LMO7: variants seen among roughly 807,000 people sequenced by gnomAD.
The protein encoded by LMO7 is LIM domain only protein 7.
Under a neutral mutation model 206.5 loss-of-function variants are expected in LMO7, and 120 were observed. The observed-to-expected ratio is 0.58, with a 90% CI of 0.50 to 0.68. The LOEUF is 0.68. Among genes scored for constraint, LMO7 ranks in the 30% least tolerant of loss-of-function variants. The pLI is 0.00. For missense variants in LMO7, 1,959 were observed against 1,957.9 expected, an observed-to-expected ratio of 1.00 and a Z score of -0.01; for synonymous variants, 706 against 681.5, an observed-to-expected ratio of 1.04 and a Z score of -0.56.
At chr13:75,663,519 C>T (rs2038832893) in intron 1 of LMO7, among the ~76,000 whole-genome samples, 1 of 149,036 alleles carries the variant, frequency 6.7e-6, no homozygotes, top group South Asian at 2.1e-4. Flanking sequence ...CAAGCTCTGC[C>T]TCCCGGGTTC....
rs1012650753 is a variant in LMO7, at chr13:75,623,179, A to G, written c.176-92A>G. 5.9e-6 allele frequency: 4 copies of G among 676,310 alleles called. No homozygotes were observed. In the African/African-American group the frequency reaches 7.3e-5, roughly 12 times the overall value. 41.9% of individuals were successfully genotyped at this position (676,310 alleles called of 1,614,324 possible). The stretch of plus-strand genomic sequence containing the variant: ...TCATGCTTTGGAATTTCAGTAAAAT[A>G]TTTGTTGTTGCTCAATAAATATTTG... On this transcript the variant is annotated intron_variant, in intron 1 of 29. Coordinates refer to the LMO7 transcript ENST00000341547.
rs533571070 is a variant in LMO7, at chr13:75,805,596, T to C, written c.1032T>C (p.Ile344=). Reference sequence around the variant, plus strand: ...CAAAGACAAGAAGCATACCCAACATTGTAAAGGATGATCTTTATGTGCGCA... The same window carrying C: ...CAAAGACAAGAAGCATACCCAACATCGTAAAGGATGATCTTTATGTGCGCA... The part of the protein sequence containing the change: ...EKAKTRSIPN[I]VKDDLYVRKL... Residue 344 remains isoleucine, a synonymous_variant, in exon 9 of 31, where the codon ATT becomes ATC. Transcript: ENST00000377534. 2.5e-6 allele frequency: 4 copies of C among 1,613,910 alleles called. No homozygotes were observed. The highest frequency in any genetic ancestry group is 3.4e-6 in the Non-Finnish European group (4 of 1,179,898).
intron 1 of LMO7, among the ~76,000 whole-genome samples, chr13:75,644,478 G>T (rs1375325787): frequency 6.6e-6 from 1 of 152,128 alleles, no homozygotes; most frequent in African/African-American, 2.4e-5. Flanking sequence ...CTCCGTCCTT[G>T]TTCCACCTAA....
At chr13:75,651,058 A>G (rs1724449786) in intron 1 of LMO7, among the ~76,000 whole-genome samples, 1 of 152,200 alleles carries the variant, frequency 6.6e-6, no homozygotes, top group Non-Finnish European at 1.5e-5. Context: ...CAATTTGCAA[A>G]CATTTTTAGA....
intron 11 of LMO7, 177 bp from the exon 12 acceptor site, chr13:75,816,984 T>C: frequency 2.1e-6 from 1 of 466,446 alleles, no homozygotes; most frequent in South Asian, 4.0e-5. Context: ...CGAGTGCTCT[T>C]GTTTCTGAGT....
intron 3 of LMO7, among the ~76,000 whole-genome samples, chr13:75,749,698 A>C (rs763493718): frequency 1.3e-5 from 2 of 152,150 alleles, no homozygotes; most frequent in Non-Finnish European, 2.9e-5. Flanking sequence ...CCTTGGGCCC[A>C]CAGTGTCTCT....
At chr13:75,748,274 C>A (rs1289831166) in intron 3 of LMO7, among the ~76,000 whole-genome samples, 1 of 152,088 alleles carries the variant, frequency 6.6e-6, no homozygotes, top group East Asian at 1.9e-4. Flanking sequence ...TTAATAGTGG[C>A]AATTTGTTAT....
intron 3 of LMO7, among the ~76,000 whole-genome samples, chr13:75,730,994 C>T (rs1263669147): frequency 4.0e-4 from 58 of 146,272 alleles, no homozygotes; most frequent in South Asian, 8.9e-4. Flanking sequence ...GTCTGAGAGA[C>T]AGTTTGTTAT....
At chr13:75,755,708 G>A (rs1344053012) in intron 3 of LMO7, among the ~76,000 whole-genome samples, 8 of 152,182 alleles carry the variant, frequency 5.3e-5, no homozygotes, top group African/African-American at 1.9e-4. Flanking sequence ...TGACTGGTCT[G>A]TATTCTTTAT....
At chr13:75,834,466 A>G (rs1343037240) in intron 17 of LMO7, 79 bp downstream of exon 17, 3 of 1,090,032 alleles carry the variant, frequency 2.8e-6, no homozygotes, top group East Asian at 2.7e-5. Context: ...AATTTGCTTC[A>G]ATAACTTTTT....
intron 19 of LMO7, among the ~76,000 whole-genome samples, 166 bp from the exon 20 acceptor site, chr13:75,837,974 G>C (rs534624491): frequency 2.0e-5 from 3 of 152,218 alleles, no homozygotes; most frequent in South Asian, 2.1e-4. Flanking sequence ...TACTAAAATT[G>C]TGTGTCCCTG....
chr13:75,843,000 C>G (rs1269967787), intron 25 of LMO7, 84 bp downstream of exon 25: 3 of 868,716 alleles, frequency 3.5e-6, no homozygotes, highest in African/African-American at 1.7e-5. Flanking sequence ...ATTTGTAGAA[C>G]TACTTTAGCC....
chr13:75,697,410 AG>A (rs912609185), intron 1 of LMO7, among the ~76,000 whole-genome samples: 32 of 152,166 alleles, frequency 2.1e-4, no homozygotes, highest in African/African-American at 7.7e-4. Flanking sequence ...ACATGATGGC[AG>A]GCAAGAGAGA....
intron 2 of LMO7, 114 bp from the exon 3 acceptor site, chr13:75,726,915 C>G (rs1400493759): frequency 8.9e-6 from 6 of 670,936 alleles, no homozygotes; most frequent in Admixed American, 2.5e-5. Flanking sequence ...GCTGTTGGCT[C>G]TCTGTATAAC....
At chr13:75,722,660 A>C (rs771757136) in intron 2 of LMO7, among the ~76,000 whole-genome samples, 3 of 152,224 alleles carry the variant, frequency 2.0e-5, no homozygotes, top group Admixed American at 2.0e-4. Context: ...ATCTGCCATT[A>C]CTAGGTATCT....
At chr13:75,711,550 G>A (rs1373456960) in intron 1 of LMO7, among the ~76,000 whole-genome samples, 1 of 152,202 alleles carries the variant, frequency 6.6e-6, no homozygotes, top group East Asian at 1.9e-4. Flanking sequence ...GGATTTCCCG[G>A]ACCCCTTGTG....
At chr13:75,737,105 T>C (rs564952666) in intron 3 of LMO7, among the ~76,000 whole-genome samples, 1 of 152,238 alleles carries the variant, frequency 6.6e-6, no homozygotes, top group Admixed American at 6.5e-5. Context: ...TAACTAGTTA[T>C]AATGAGCTCA....
chr13:75,815,811 A>G (rs1180018012), intron 11 of LMO7, among the ~76,000 whole-genome samples: 2 of 152,132 alleles, frequency 1.3e-5, no homozygotes, highest in Non-Finnish European at 2.9e-5. Context: ...ACTAATGGAA[A>G]GTGGGGAGAA....
intron 9 of LMO7, chr13:75,806,291 G>C: frequency 1.0e-6 from 1 of 978,532 alleles, no homozygotes. Context: ...CCTGCCTGCT[G>C]CGGGTCTGGC....
Sources: allele counts gnomAD v4.1 joint callset (sites outside exome capture counted in the v4.1 genomes callset), GRCh38; gene constraint gnomAD v4.1.1; transcripts MANE v1.5; gene names NCBI Gene and HGNC (gene_info 2026-07-23, HGNC 2026-07-21).